The following AGBL1 variants were observed in gnomAD, a reference collection of about 807,000 sequenced individuals.
AGBL1 encodes cytosolic carboxypeptidase 4.
Under a neutral mutation model 118.9 loss-of-function variants are expected in AGBL1, and 130 were observed. The observed-to-expected ratio is 1.09, with a 90% CI of 0.95 to 1.26. The LOEUF (loss-of-function observed/expected upper bound fraction) is 1.26. AGBL1 is among the 50% of genes most tolerant of loss of function. The probability of loss-of-function intolerance (pLI) is 0.00; values close to 1 mark genes in which losing one functional copy is unlikely to be tolerated. For synonymous variants in AGBL1, 555 were observed against 478.9 expected (o/e 1.16, Z -2.08); for missense variants, 1,584 against 1,298.1 (o/e 1.22, Z -3.38).
intron 17 of AGBL1, among the ~76,000 whole-genome samples, chr15:86,317,818 ATTTAT>A (rs1355762419): frequency 6.6e-6 from 1 of 152,204 alleles, no homozygotes; most frequent in Non-Finnish European, 1.5e-5. Context: ...TCCAATAAAG[ATTTAT>A]TTATAAAATA....
chr15:86,827,801 T>A (rs1263518816), intron 22 of AGBL1, among the ~76,000 whole-genome samples: 1 of 150,032 alleles, frequency 6.7e-6, no homozygotes, highest in African/African-American at 2.4e-5. Flanking sequence ...TATGTCTAGA[T>A]CCTGCAAAAG....
chr15:87,018,126 G>C (rs2081626012), intron 24 of AGBL1, among the ~76,000 whole-genome samples: 1 of 133,152 alleles, frequency 7.5e-6, no homozygotes, highest in Non-Finnish European at 1.5e-5. Context: ...ATCATGTAAA[G>C]ACACTGTGCC....
At position 86,552,952 on chromosome 15, in the gene AGBL1, G is replaced by A. The variant is rs114824421; in HGVS notation, c.2818-1409G>A. Among the ~76,000 whole-genome samples the A allele has an allele frequency of 9.9e-3, 1,499 of 151,824 alleles. 22 individuals are homozygous for A. The highest frequency in any genetic ancestry group is 0.034 in the African/African-American group (1,402 of 41,422). On this transcript the variant is annotated intron_variant, in intron 20 of 22. Transcript: ENST00000614907. ...TTATATAATATGTAATTTATAAGAT[G>A]ATTAATAATTATAATTAACAGTTAC...
intron 21 of AGBL1, among the ~76,000 whole-genome samples, chr15:86,665,121 T>C (rs1050579000): frequency 6.6e-6 from 1 of 152,202 alleles, no homozygotes; most frequent in African/African-American, 2.4e-5. Context: ...ATTATGATTA[T>C]ATCCCTATGA....
chr15:86,843,695 C>A (rs2079279099), intron 22 of AGBL1, among the ~76,000 whole-genome samples: 1 of 152,116 alleles, frequency 6.6e-6, no homozygotes, highest in Admixed American at 6.5e-5. Context: ...CCTTGACCTT[C>A]AAGAATCATA....
intron 22 of AGBL1, among the ~76,000 whole-genome samples, chr15:86,826,410 GAT>G: frequency 6.6e-6 from 1 of 152,032 alleles, no homozygotes; most frequent in South Asian, 2.1e-4. Context: ...TATTAGAATT[GAT>G]TTATTACACG....
At position 86,096,818 on chromosome 15, in the gene AGBL1, C is replaced by T. The variant is rs185519391; in HGVS notation, c.51+16795C>T. 3.1e-3 allele frequency among the ~76,000 whole-genome samples: 472 copies of T among 152,274 alleles called. 3 individuals are homozygous for T. Among genetic ancestry groups the T allele is most frequent in the Non-Finnish European group, 4.8e-3 (325 of 68,016 alleles). On this transcript the variant is annotated intron_variant, in intron 1 of 22. Coordinates refer to ENST00000614907, the MANE Select transcript of AGBL1 (RefSeq NM_001386094.1). ...ACCTAGTATAGTCCTACCCTATGTC[C>T]CAGCTTCCCCTCCTCTGAAGTGGCT...
chr15:86,468,005 A>C (rs2082428638), intron 18 of AGBL1, among the ~76,000 whole-genome samples: 1 of 151,862 alleles, frequency 6.6e-6, no homozygotes, highest in Non-Finnish European at 1.5e-5. Flanking sequence ...ATTTTCTTTT[A>C]CTAGCATGTT....
At position 86,398,606 on chromosome 15, in the gene AGBL1, G is replaced by A. The variant is rs146917092; in HGVS notation, c.2555+1060G>A. Among the ~76,000 whole-genome samples, 931 of 151,940 alleles carry A rather than the reference G, an allele frequency of 6.1e-3. 8 individuals carry two copies. The highest frequency in any genetic ancestry group is 0.022 in the African/African-American group (892 of 41,472). On this transcript the variant is annotated intron_variant, in intron 18 of 22. Transcript: ENST00000614907. ...GACAAAATGAGAATTATAAAGAAAT[G>A]CTAAAAGCACAAAAACTTCAAAGAA... is the stretch of plus-strand genomic sequence containing the variant.
At chr15:86,597,524 A>G (rs746986742) in intron 21 of AGBL1, among the ~76,000 whole-genome samples, 1 of 152,192 alleles carries the variant, frequency 6.6e-6, no homozygotes, top group Non-Finnish European at 1.5e-5. Context: ...CTAGAAGTAT[A>G]AGACATCTCT....
chr15:86,257,583 G>A (rs144265909), intron 8 of AGBL1, among the ~76,000 whole-genome samples: 3 of 152,168 alleles, frequency 2.0e-5, no homozygotes, highest in Non-Finnish European at 4.4e-5. Context: ...AAAATTAGGG[G>A]CTCAATCAAG....
intron 19 of AGBL1, among the ~76,000 whole-genome samples, chr15:86,530,867 C>T (rs1277371846): frequency 1.0e-5 from 1 of 98,514 alleles, no homozygotes; most frequent in Non-Finnish European, 1.9e-5. Flanking sequence ...CTACTGGGTA[C>T]ATAACGAAAT....
At chr15:86,325,596 G>A (rs1192457300) in intron 17 of AGBL1, among the ~76,000 whole-genome samples, 2 of 152,146 alleles carry the variant, frequency 1.3e-5, no homozygotes, top group Non-Finnish European at 2.9e-5. Flanking sequence ...TGCCAGCCTG[G>A]CATTGTTATA....
At chr15:86,465,598 G>A (rs1016638292) in intron 18 of AGBL1, among the ~76,000 whole-genome samples, 2 of 152,148 alleles carry the variant, frequency 1.3e-5, no homozygotes, top group African/African-American at 4.8e-5. Flanking sequence ...TTCCCAGTAG[G>A]AGGTCTCTAA....
rs533753321 is a variant in AGBL1, at chr15:86,910,184, G to A, written c.*2890G>A. ...CTACCAAAAGAAGGTCATAATTTGG[G>A]TGATTCTTGAAGAATATGCAGGAGT... On this transcript the variant is annotated 3_prime_UTR_variant, in exon 23 of 23. Transcript: ENST00000614907. 1.3e-5 allele frequency: 2 copies of A among 152,326 alleles called. No individual in the cohort carries two copies. Among genetic ancestry groups the A allele is most frequent in the East Asian group, 1.9e-4 (1 of 5,182 alleles). 9.4% of individuals were successfully genotyped at this position (152,326 alleles called of 1,614,324 possible).
chr15:86,134,842 T>C (rs953734170), intron 1 of AGBL1, among the ~76,000 whole-genome samples: 1 of 151,906 alleles, frequency 6.6e-6, no homozygotes, highest in African/African-American at 2.4e-5. Context: ...CTCGATCTCC[T>C]GACCTCATGA....
chr15:86,616,077 C>T (rs537914985), intron 21 of AGBL1, among the ~76,000 whole-genome samples: 1 of 152,120 alleles, frequency 6.6e-6, no homozygotes, highest in Non-Finnish European at 1.5e-5. Flanking sequence ...TGGCTCACCC[C>T]TGTAATCCCA....
At chr15:86,094,961 C>G (rs1896262245) in intron 1 of AGBL1, among the ~76,000 whole-genome samples, 1 of 152,178 alleles carries the variant, frequency 6.6e-6, no homozygotes, top group South Asian at 2.1e-4. Flanking sequence ...AAACTTCCGA[C>G]CAATTGGCTT....
At chr15:86,233,821 A>G (rs1197022766) in intron 6 of AGBL1, among the ~76,000 whole-genome samples, 1 of 152,182 alleles carries the variant, frequency 6.6e-6, no homozygotes, top group East Asian at 1.9e-4. Context: ...TAATGAAACA[A>G]TTGAACTGAA....
Sources: gnomAD v4.1 joint callset for allele counts (sites outside exome capture counted in the v4.1 genomes callset) on GRCh38, gnomAD v4.1.1 for gene constraint, MANE v1.5 for transcripts, NCBI Gene and HGNC (gene_info 2026-07-23, HGNC 2026-07-21) for gene names.